Variants in TNNI3K observed in about 807,000 individuals in gnomAD.
TNNI3K encodes serine/threonine-protein kinase TNNI3K.
TNNI3K carries 140 observed loss-of-function variants against 114.5 expected under a neutral mutation model. The ratio of observed to expected loss-of-function variants is 1.22; its 90% CI spans 1.07 to 1.41. TNNI3K has a LOEUF of 1.41. TNNI3K is among the 40% of genes most tolerant of loss of function. The probability of loss-of-function intolerance (pLI) is 0.00; values close to 1 mark genes in which losing one functional copy is unlikely to be tolerated. For missense variants in TNNI3K, 1,125 were observed against 1,007.6 expected (o/e 1.12, Z -1.58); for synonymous variants, 347 against 347.5 (o/e 1.00, Z 0.02).
intron 21 of TNNI3K, among the ~76,000 whole-genome samples, chr1:74,485,397 T>C (rs1265144485): frequency 6.6e-6 from 1 of 152,136 alleles, no homozygotes; most frequent in African/African-American, 2.4e-5. Context: ...GGATGTGTGG[T>C]TCAGGGGCAA....
At chr1:74,491,958 GA>G in intron 22 of TNNI3K, 138 bp from the exon 23 acceptor site, 1 of 1,293,528 alleles carries the variant, frequency 7.7e-7, no homozygotes, top group Non-Finnish European at 1.0e-6. Context: ...TTCCTGAAAG[GA>G]AAAGCCAGGA....
intron 5 of TNNI3K, among the ~76,000 whole-genome samples, chr1:74,319,034 A>G (rs1014255786): frequency 1.3e-5 from 2 of 152,222 alleles, no homozygotes; most frequent in African/African-American, 4.8e-5. Context: ...CATTTATTAT[A>G]CTGCAGTTTC....
At chr1:74,406,804 G>A (rs1291197744) in intron 17 of TNNI3K, among the ~76,000 whole-genome samples, 1 of 152,214 alleles carries the variant, frequency 6.6e-6, no homozygotes, top group Admixed American at 6.5e-5. Flanking sequence ...CCACAGTCAA[G>A]TGTGAATGGC....
At chr1:74,532,211 A>G (rs1646596360) in intron 23 of TNNI3K, among the ~76,000 whole-genome samples, 1 of 152,220 alleles carries the variant, frequency 6.6e-6, no homozygotes, top group Non-Finnish European at 1.5e-5. Context: ...ATGTTTTAGC[A>G]TCATAGCAAG....
chr1:74,484,985 T>A (rs1440434374), intron 21 of TNNI3K, among the ~76,000 whole-genome samples: 1 of 151,948 alleles, frequency 6.6e-6, no homozygotes, highest in Non-Finnish European at 1.5e-5. Flanking sequence ...GTAAGCATAT[T>A]CCAGATGATT....
At chr1:74,310,170 C>T (rs499551) in intron 5 of TNNI3K, among the ~76,000 whole-genome samples, 150,914 of 152,278 alleles carry the variant, frequency 0.99, 74,800 homozygotes, top group Middle Eastern at 1. Flanking sequence ...TAATAATGTT[C>T]GAGCTGAGAA....
chr1:74,473,746 A>G (rs1668052950), intron 21 of TNNI3K, among the ~76,000 whole-genome samples: 1 of 152,074 alleles, frequency 6.6e-6, no homozygotes, highest in Non-Finnish European at 1.5e-5. Context: ...TTCGCTGTGT[A>G]TTGGAAGGTT....
chr1:74,527,809 T>A (rs1040413269), intron 23 of TNNI3K, among the ~76,000 whole-genome samples: 1 of 152,214 alleles, frequency 6.6e-6, no homozygotes, highest in Non-Finnish European at 1.5e-5. Flanking sequence ...TGGACAGGGC[T>A]GAGTAAGGTG....
At chr1:74,347,770 C>A (rs533027100) in intron 9 of TNNI3K, among the ~76,000 whole-genome samples, 1,653 of 152,248 alleles carry the variant, frequency 0.011, 37 homozygotes, top group African/African-American at 0.037. Flanking sequence ...AGCATTTTTT[C>A]ATGTGTTTTT....
At position 74,369,478 on chromosome 1, in the gene TNNI3K, C is replaced by T. The variant is rs377503218; in HGVS notation, c.1560C>T (p.Cys520=). The change falls in exon 16 of 25, where the codon TGC becomes TGT. Residue 520 remains cysteine, a synonymous_variant. Transcript: ENST00000326637. The part of the protein sequence containing the change: ...VSILCQLNHP[C]VIQFVGACLN... ...TTCTCTGCCAGCTCAATCATCCCTGCGTAATTCAGTTTGTGGGTGCTTGCT... is the reference window on the plus strand; with the variant it reads ...TTCTCTGCCAGCTCAATCATCCCTGTGTAATTCAGTTTGTGGGTGCTTGCT... 66 of 1,612,658 alleles carry T rather than the reference C, an allele frequency of 4.1e-5. No individual in the cohort carries two copies. Among genetic ancestry groups the T allele is most frequent in the Non-Finnish European group, 5.1e-5 (60 of 1,179,228 alleles).
intron 20 of TNNI3K, among the ~76,000 whole-genome samples, chr1:74,439,908 G>T (rs1304611286): frequency 6.6e-6 from 1 of 151,892 alleles, no homozygotes; most frequent in African/African-American, 2.4e-5. Context: ...TGATCATGTG[G>T]CATGTGAGAG....
At chr1:74,391,158 A>G (rs1450841949) in intron 17 of TNNI3K, among the ~76,000 whole-genome samples, 1 of 152,174 alleles carries the variant, frequency 6.6e-6, no homozygotes, top group Non-Finnish European at 1.5e-5. Context: ...TGCTTTATTT[A>G]TTTGTTCATT....
At chr1:74,481,022 G>C in intron 21 of TNNI3K, 3 of 651,600 alleles carry the variant, frequency 4.6e-6, no homozygotes, top group Non-Finnish European at 8.5e-6. Flanking sequence ...TGGGAGGGAG[G>C]GGGTATGGTG....
intron 6 of TNNI3K, 146 bp from the exon 7 acceptor site, chr1:74,335,865 T>C: frequency 1.3e-6 from 1 of 788,932 alleles, no homozygotes; most frequent in African/African-American, 1.8e-5. Context: ...TAATCAACCC[T>C]AGAATTGTTC....
At chr1:74,377,819 T>C (rs1662984864) in intron 17 of TNNI3K, among the ~76,000 whole-genome samples, 1 of 152,030 alleles carries the variant, frequency 6.6e-6, no homozygotes, top group South Asian at 2.1e-4. Flanking sequence ...ACAACTCCCA[T>C]GGAAACTGCT....
At chr1:74,498,805 A>G (rs1388177216) in intron 23 of TNNI3K, among the ~76,000 whole-genome samples, 1 of 152,156 alleles carries the variant, frequency 6.6e-6, no homozygotes, top group Admixed American at 6.5e-5. Flanking sequence ...GGTGACTAAG[A>G]TGTGTGAGGA....
At chr1:74,497,629 C>T (rs1216094906) in intron 23 of TNNI3K, among the ~76,000 whole-genome samples, 1 of 151,690 alleles carries the variant, frequency 6.6e-6, no homozygotes, top group Non-Finnish European at 1.5e-5. Flanking sequence ...TTCCTCCACA[C>T]ACACAATTGA....
chr1:74,251,868 T>G (rs915374823), intron 4 of TNNI3K, among the ~76,000 whole-genome samples: 1 of 152,222 alleles, frequency 6.6e-6, no homozygotes, highest in Non-Finnish European at 1.5e-5. Flanking sequence ...CAATGCCTAG[T>G]CAATTCTTCT....
rs145397635 is a variant in TNNI3K at position 74,444,071 on chromosome 1, C to A, written c.2011+4449C>A. ...GAATATCATACTGAATGGGCAAAAG[C>A]TGGAAGCATTCCCCTTGAAAACTGG... On this transcript the variant is annotated intron_variant, in intron 20 of 24. Coordinates refer to ENST00000326637, the MANE Select transcript of TNNI3K (RefSeq NM_015978.3). 1.8e-3 allele frequency among the ~76,000 whole-genome samples: 273 copies of A among 152,296 alleles called. 1 individual carries two copies. Among genetic ancestry groups the A allele is most frequent in the African/African-American group, 6.3e-3 (261 of 41,572 alleles).
Sources: allele counts gnomAD v4.1 joint callset (sites outside exome capture counted in the v4.1 genomes callset), GRCh38; gene constraint gnomAD v4.1.1; transcripts MANE v1.5; gene names NCBI Gene and HGNC (gene_info 2026-07-23, HGNC 2026-07-21).